The following RUSF1 variants were observed in gnomAD, a reference collection of about 807,000 sequenced individuals.
RUSF1 encodes the protein RUS family member 1.
RUSF1 carries 58 observed loss-of-function variants against 63.0 expected under a neutral mutation model. The observed-to-expected ratio is 0.92, with a 90% CI of 0.75 to 1.15. The LOEUF is 1.15. Among genes scored for constraint, RUSF1 ranks in the 50% most tolerant of loss-of-function variants. The pLI, the probability that RUSF1 is intolerant of heterozygous loss-of-function variation, is 0.00. For missense variants in RUSF1, 652 were observed against 611.0 expected, an observed-to-expected ratio of 1.07 and a Z score of -0.71; for synonymous variants, 274 against 255.8, an observed-to-expected ratio of 1.07 and a Z score of -0.68.
At position 31,489,708 on chromosome 16, in the gene RUSF1, G is replaced by C. The variant is rs2082543000; in HGVS notation, c.*1127C>G. 2.2e-6 allele frequency: 1 copy of C among 456,582 alleles called. No individual in the cohort carries two copies. 28.3% of individuals were successfully genotyped at this position (456,582 alleles called of 1,614,324 possible). A position where few individuals can be genotyped will look rare whatever the true frequency, so the allele number is the denominator to read the frequency against. On this transcript the variant is annotated 3_prime_UTR_variant, in exon 13 of 13. Coordinates refer to ENST00000327237, the MANE Select transcript of RUSF1 (RefSeq NM_022744.4). ...AGGCAGGGCTGATGGTGGCAGGGTG[G>C]GGTGAGGACAGGACAAGAGATCTGG...
rs760556743 is a variant in RUSF1 at position 31,490,449 on chromosome 16, G to C, written c.*386C>G. 1 of 1,613,966 alleles carries C rather than the reference G, an allele frequency of 6.2e-7. No homozygotes were observed. The highest frequency in any genetic ancestry group is 8.5e-7 in the Non-Finnish European group (1 of 1,179,994). On this transcript the variant is annotated 3_prime_UTR_variant, in exon 13 of 13. Transcript: ENST00000327237. ...AGCCAGGCGGCTGGAGGACATCAGC[G>C]AGGACCCGAGCTGGGCCCGTGTGGT... is the stretch of plus-strand genomic sequence containing the variant.
intron 5 of RUSF1, among the ~76,000 whole-genome samples, chr16:31,498,417 T>A (rs1411016750): frequency 6.6e-6 from 1 of 152,190 alleles, no homozygotes; most frequent in Non-Finnish European, 1.5e-5. Flanking sequence ...AAATGTCCTC[T>A]ACCACAAGGA....
At chr16:31,494,704 A>G (rs2082593195) in intron 6 of RUSF1, among the ~76,000 whole-genome samples, 1 of 151,154 alleles carries the variant, frequency 6.6e-6, no homozygotes, top group Non-Finnish European at 1.5e-5. Flanking sequence ...GGCACTCACT[A>G]ATGTGTACTT....
intron 5 of RUSF1, 151 bp downstream of exon 5, chr16:31,499,151 G>A (rs1762406262): frequency 4.2e-6 from 3 of 714,194 alleles, no homozygotes; most frequent in African/African-American, 1.8e-5. Context: ...TCTGGCTGGA[G>A]GAGGGTCAGA....
Position 31,492,066 on chromosome 16 carries a change from C to T in RUSF1, c.1252G>A (p.Val418Ile), listed in dbSNP as rs757109785. The part of the protein sequence containing the change: ...VRAGPKKESW[V>I]VVKETHEVLD... ...ACTTCGTGTGTCTCCTTGACGACGA[C>T]CCAGCTCTCTTTCTTAGGACCTGGG... The change falls in exon 12 of 13, where the codon GTC becomes ATC. Residue 418 changes from valine to isoleucine, a missense_variant. Coordinates refer to ENST00000327237, the MANE Select transcript of RUSF1 (RefSeq NM_022744.4). The T allele has an allele frequency of 3.5e-5, 56 of 1,614,090 alleles. No individual in the cohort carries two copies. Among genetic ancestry groups the T allele is most frequent in the Non-Finnish European group, 4.2e-5 (50 of 1,180,020 alleles).
At chr16:31,495,890 A>G (rs752485272) in intron 6 of RUSF1, among the ~76,000 whole-genome samples, 6 of 152,204 alleles carry the variant, frequency 3.9e-5, no homozygotes, top group Non-Finnish European at 8.8e-5. Flanking sequence ...TGCTTAATAA[A>G]TATTAGCTTG....
chr16:31,496,804 C>T (rs2082605721), intron 6 of RUSF1, 45 bp downstream of exon 6: 1 of 1,476,538 alleles, frequency 6.8e-7, no homozygotes, highest in Non-Finnish European at 9.1e-7. Context: ...CTTCTCTCCC[C>T]TTCCCCTCCC....
chr16:31,494,658 CTT>C (rs887933592), intron 6 of RUSF1, among the ~76,000 whole-genome samples: 34 of 152,008 alleles, frequency 2.2e-4, no homozygotes, highest in Admixed American at 2.2e-3. Flanking sequence ...TTGAACACAT[CTT>C]GTCTTGCAAG....
rs754752147 is a variant in RUSF1, at chr16:31,490,267, T to C, written c.*568A>G. The stretch of plus-strand genomic sequence containing the variant: ...TGCTGGGAGGTGGGGCTGGAGGAGC[T>C]GAGTTCCCGCAAACTAACTGCAGGG... On this transcript the variant is annotated 3_prime_UTR_variant, in exon 13 of 13. Transcript: ENST00000327237. The C allele has an allele frequency of 1.2e-6, 2 of 1,613,892 alleles. No homozygotes were observed. Among genetic ancestry groups the C allele is most frequent in the Non-Finnish European group, 1.7e-6 (2 of 1,179,928 alleles).
At chr16:31,492,908 C>T in intron 10 of RUSF1, 70 bp downstream of exon 10, 1 of 1,494,398 alleles carries the variant, frequency 6.7e-7, no homozygotes, top group South Asian at 1.3e-5. Context: ...AGCTCGGGGC[C>T]CTAGGTTGGA....
At chr16:31,496,270 A>C (rs928105200) in intron 6 of RUSF1, among the ~76,000 whole-genome samples, 2 of 152,160 alleles carry the variant, frequency 1.3e-5, no homozygotes, top group Non-Finnish European at 2.9e-5. Context: ...CGGGTTGCCC[A>C]GGCTGGTTTC....
At position 31,490,038 on chromosome 16, in the gene RUSF1, A is replaced by C; in HGVS notation, c.*797T>G. The C allele has an allele frequency of 6.2e-7, 1 of 1,607,130 alleles. No homozygotes were observed. The highest frequency in any genetic ancestry group is 8.5e-7 in the Non-Finnish European group (1 of 1,177,614). On this transcript the variant is annotated 3_prime_UTR_variant, in exon 13 of 13. Coordinates refer to ENST00000327237, the MANE Select transcript of RUSF1 (RefSeq NM_022744.4). ...GCAGGCAGTGACGAGCTGGTGTGCAAGAGACTTTAGGGCCAGGCATGGGGG... is the reference window on the plus strand; with the variant it reads ...GCAGGCAGTGACGAGCTGGTGTGCACGAGACTTTAGGGCCAGGCATGGGGG...
At chr16:31,495,364 G>C (rs1282190598) in intron 6 of RUSF1, among the ~76,000 whole-genome samples, 1 of 152,218 alleles carries the variant, frequency 6.6e-6, no homozygotes, top group African/African-American at 2.4e-5. Context: ...GGGGATCAGG[G>C]ACCTGGGGAG....
chr16:31,508,365 G>T lies in RUSF1; in HGVS notation c.9C>A (p.Asp3Glu), dbSNP rs889769812. MA[D>E]DAGLETPLCS... is the part of the protein sequence containing the mutation. ...ACAGCGGGGTCTCCAAACCCGCGTC[G>T]TCAGCCATGCCGAGCTTTTGGATCC... is the stretch of plus-strand genomic sequence containing the variant. The change falls in exon 1 of 13, where the codon GAC (aspartate) becomes GAA (glutamate). Residue 3 changes from aspartate (D) to glutamate (E), a missense_variant. Transcript: ENST00000327237. 1 of 1,514,872 alleles carries T rather than the reference G, an allele frequency of 6.6e-7. No homozygotes were observed. Among genetic ancestry groups the T allele is most frequent in the African/African-American group, 1.4e-5 (1 of 70,786 alleles). The allele number at this position is 1,514,872 out of a possible 1,614,324, so 93.8% of individuals were successfully genotyped here.
At chr16:31,493,581 C>T in intron 8 of RUSF1, 22 bp downstream of exon 8, 1 of 1,614,158 alleles carries the variant, frequency 6.2e-7, no homozygotes, top group Non-Finnish European at 8.5e-7. Context: ...GACACAGGAC[C>T]CGAGACCAGG....
intron 5 of RUSF1, among the ~76,000 whole-genome samples, chr16:31,497,293 C>T (rs913209902): frequency 6.6e-6 from 1 of 152,020 alleles, no homozygotes; most frequent in Non-Finnish European, 1.5e-5. Flanking sequence ...TGGTTTCCAG[C>T]TTCATGCTTA....
At chr16:31,507,715 A>C in intron 2 of RUSF1, 49 bp downstream of exon 2, 1 of 1,507,166 alleles carries the variant, frequency 6.6e-7, no homozygotes, top group Non-Finnish European at 9.0e-7. Flanking sequence ...AGCCCAGCGA[A>C]AGCAGGGCTG....
intron 5 of RUSF1, among the ~76,000 whole-genome samples, chr16:31,497,368 G>A (rs2082609468): frequency 6.6e-6 from 1 of 152,090 alleles, no homozygotes; most frequent in Non-Finnish European, 1.5e-5. Flanking sequence ...AACCTACACT[G>A]ATGGCCCTGA....
intron 1 of RUSF1, 88 bp from the exon 2 acceptor site, chr16:31,507,966 G>C: frequency 1.3e-6 from 2 of 1,531,254 alleles, no homozygotes; most frequent in East Asian, 4.9e-5. Flanking sequence ...TGGTGTATGA[G>C]GCATGTCAGA....
Sources: gnomAD v4.1 joint callset for allele counts (sites outside exome capture counted in the v4.1 genomes callset) on GRCh38, gnomAD v4.1.1 for gene constraint, MANE v1.5 for transcripts, NCBI Gene and HGNC (gene_info 2026-07-23, HGNC 2026-07-21) for gene names.